Variants in TMC1 observed in about 807,000 individuals in gnomAD.
The protein encoded by TMC1 is transmembrane channel-like protein 1.
Under a neutral mutation model 105.8 loss-of-function variants are expected in TMC1, and 84 were observed. The ratio of observed to expected loss-of-function variants is 0.79; its 90% CI spans 0.67 to 0.95. The LOEUF (loss-of-function observed/expected upper bound fraction) is 0.95, where lower values mean the gene tolerates loss of function less well. Among genes scored for constraint, TMC1 ranks in the 40% least tolerant of loss-of-function variants. The pLI is 0.00. For missense variants in TMC1, 817 were observed against 914.1 expected, an observed-to-expected ratio of 0.89 and a Z score of 1.37; for synonymous variants, 315 against 311.5, an observed-to-expected ratio of 1.01 and a Z score of -0.12.
intron 4 of TMC1, among the ~76,000 whole-genome samples, chr9:72,643,979 T>C (rs948059852): frequency 6.6e-6 from 1 of 152,182 alleles, no homozygotes; most frequent in Non-Finnish European, 1.5e-5. Flanking sequence ...TTAATAAATG[T>C]GTAGTGATAT....
chr9:72,541,310 T>C (rs1275910999), intron 1 of TMC1, among the ~76,000 whole-genome samples: 1 of 152,216 alleles, frequency 6.6e-6, no homozygotes, highest in Admixed American at 6.5e-5. Context: ...GAATCAAATC[T>C]CATACTTTTG....
intron 5 of TMC1, among the ~76,000 whole-genome samples, chr9:72,671,779 G>T (rs1337796350): frequency 6.6e-6 from 1 of 151,302 alleles, no homozygotes. Context: ...TTTTTAAAAA[G>T]AAAAAAAATC....
intron 2 of TMC1, among the ~76,000 whole-genome samples, chr9:72,580,062 T>C (rs7026124): frequency 0.45 from 68,439 of 152,022 alleles, 17,474 homozygotes; most frequent in African/African-American, 0.7. Flanking sequence ...AGCTTTGCTA[T>C]TTAAAAGAGC....
chr9:72,807,082 C>T (rs1433178805), intron 18 of TMC1, among the ~76,000 whole-genome samples: 1 of 152,190 alleles, frequency 6.6e-6, no homozygotes, highest in African/African-American at 2.4e-5. Context: ...GCCAACACAG[C>T]GAAACCCCGT....
At chr9:72,662,191 CT>C (rs71359511) in intron 5 of TMC1, among the ~76,000 whole-genome samples, 1,989 of 141,378 alleles carry the variant, frequency 0.014, 35 homozygotes, top group African/African-American at 0.045. Context: ...TTTTCTTTTT[CT>C]TTTTTTTTTT....
chr9:72,615,937 G>T (rs1431388965), intron 2 of TMC1, among the ~76,000 whole-genome samples: 1 of 151,800 alleles, frequency 6.6e-6, no homozygotes, highest in Non-Finnish European at 1.5e-5. Flanking sequence ...TAATAGAGAT[G>T]GGGTTTCACC....
chr9:72,722,566 G>A (rs1827045353), intron 8 of TMC1, among the ~76,000 whole-genome samples: 1 of 152,166 alleles, frequency 6.6e-6, no homozygotes, highest in East Asian at 1.9e-4. Context: ...CTCCATTTCA[G>A]AAGAGATTTT....
chr9:72,523,932 T>C (rs982351072), intron 1 of TMC1, among the ~76,000 whole-genome samples: 4 of 152,194 alleles, frequency 2.6e-5, no homozygotes, highest in African/African-American at 9.7e-5. Flanking sequence ...GAAAGGGGCA[T>C]CATGGGCTCT....
At chr9:72,731,341 T>A (rs763109763) in intron 8 of TMC1, among the ~76,000 whole-genome samples, 5 of 152,200 alleles carry the variant, frequency 3.3e-5, no homozygotes, top group Admixed American at 6.5e-5. Flanking sequence ...TCACACTACC[T>A]AGGGGGTGGA....
chr9:72,665,034 A>G (rs1248723014), intron 5 of TMC1, among the ~76,000 whole-genome samples: 1 of 152,128 alleles, frequency 6.6e-6, no homozygotes, highest in African/African-American at 2.4e-5. Flanking sequence ...CACAGCAGTG[A>G]CTGCGCAACA....
Position 72,607,517 on chromosome 9 carries a change from G to A in TMC1, c.-305-8851G>A, listed in dbSNP as rs186462903. ...GCCTGTAGTCCCAGCTACTCAGGAGGCTGAGGCAGAATGGTGTGAACCCAG... is the reference window on the plus strand; with the variant it reads ...GCCTGTAGTCCCAGCTACTCAGGAGACTGAGGCAGAATGGTGTGAACCCAG... On this transcript the variant is annotated intron_variant, in intron 2 of 23. Coordinates refer to ENST00000297784, the MANE Select transcript of TMC1 (RefSeq NM_138691.3). Among the ~76,000 whole-genome samples, 37 of 151,750 alleles carry A rather than the reference G, an allele frequency of 2.4e-4. No homozygotes were observed. The East Asian group carries it at 4.1e-3, about 17-fold the overall frequency.
intron 1 of TMC1, among the ~76,000 whole-genome samples, chr9:72,543,871 G>A (rs903427295): frequency 4.6e-5 from 7 of 151,918 alleles, no homozygotes; most frequent in African/African-American, 1.7e-4. Context: ...CAAGTAGCTG[G>A]GAATACAGGC....
At chr9:72,619,513 T>C (rs1430639701) in intron 3 of TMC1, among the ~76,000 whole-genome samples, 1 of 152,122 alleles carries the variant, frequency 6.6e-6, no homozygotes, top group African/African-American at 2.4e-5. Context: ...AATGAATAAA[T>C]GGTGAAATGT....
At chr9:72,582,403 T>G (rs1322974101) in intron 2 of TMC1, among the ~76,000 whole-genome samples, 2 of 152,220 alleles carry the variant, frequency 1.3e-5, no homozygotes, top group African/African-American at 2.4e-5. Context: ...CCCACCAGAA[T>G]GTTTAAACTG....
chr9:72,638,352 C>T (rs1416656513), intron 4 of TMC1, among the ~76,000 whole-genome samples: 1 of 152,120 alleles, frequency 6.6e-6, no homozygotes, highest in African/African-American at 2.4e-5. Flanking sequence ...AACTTCCTTT[C>T]CTTGGCTTTC....
chr9:72,563,223 T>C (rs930769074), intron 1 of TMC1, among the ~76,000 whole-genome samples: 4 of 152,080 alleles, frequency 2.6e-5, no homozygotes, highest in African/African-American at 9.7e-5. Context: ...AGGAAGTAGA[T>C]TGAGATCAGA....
chr9:72,757,162 G>T (rs1254535949), intron 12 of TMC1, among the ~76,000 whole-genome samples: 1 of 152,158 alleles, frequency 6.6e-6, no homozygotes, highest in East Asian at 1.9e-4. Flanking sequence ...TCACTTACAG[G>T]CTTGCTGCAT....
intron 10 of TMC1, among the ~76,000 whole-genome samples, chr9:72,743,323 C>T (rs1021204952): frequency 2.7e-5 from 4 of 148,786 alleles, no homozygotes; most frequent in Non-Finnish European, 4.5e-5. Context: ...GCCGAGATCC[C>T]GCCACTGCAC....
intron 1 of TMC1, among the ~76,000 whole-genome samples, chr9:72,536,961 C>G (rs1374178035): frequency 6.6e-6 from 1 of 152,204 alleles, no homozygotes; most frequent in African/African-American, 2.4e-5. Context: ...CCCAGGTGTT[C>G]CAATAAATCC....
Sources: allele counts gnomAD v4.1 joint callset (sites outside exome capture counted in the v4.1 genomes callset), GRCh38; gene constraint gnomAD v4.1.1; transcripts MANE v1.5; gene names NCBI Gene and HGNC (gene_info 2026-07-23, HGNC 2026-07-21).